GPR107: variants seen among roughly 807,000 people sequenced by gnomAD.
The protein encoded by GPR107 is G protein-coupled receptor 107.
In GPR107, 31 loss-of-function variants were observed where a neutral mutation model predicts 75.5. The observed-to-expected ratio is 0.41, with a 90% CI of 0.31 to 0.55. The LOEUF is 0.55. GPR107 is among the 20% of genes least tolerant of loss of function. The pLI is 0.26. For synonymous variants in GPR107, 267 were observed against 251.3 expected, an observed-to-expected ratio of 1.06 and a Z score of -0.59; for missense variants, 572 against 665.7, an observed-to-expected ratio of 0.86 and a Z score of 1.55.
intron 14 of GPR107, among the ~76,000 whole-genome samples, chr9:130,119,381 A>G (rs577218102): frequency 5.8e-4 from 89 of 152,284 alleles, no homozygotes; most frequent in African/African-American, 2.1e-3. Context: ...GTATTGGGCT[A>G]ATCCTATATG....
intron 14 of GPR107, among the ~76,000 whole-genome samples, chr9:130,121,975 C>T (rs1328328465): frequency 6.6e-6 from 1 of 152,032 alleles, no homozygotes; most frequent in Non-Finnish European, 1.5e-5. Context: ...ACTGCAAGCT[C>T]TGCCTCCTGG....
chr9:130,117,166 C>G (rs1454805412), intron 14 of GPR107, among the ~76,000 whole-genome samples: 1 of 152,090 alleles, frequency 6.6e-6, no homozygotes, highest in Non-Finnish European at 1.5e-5. Context: ...AGGCTGGTCT[C>G]AAATTCCTGA....
chr9:130,088,000 C>G (rs1477823560), intron 7 of GPR107, among the ~76,000 whole-genome samples: 4 of 152,044 alleles, frequency 2.6e-5, no homozygotes, highest in Non-Finnish European at 5.9e-5. Flanking sequence ...ATCATTTTGC[C>G]TGTTCAACAA....
At chr9:130,119,006 C>G (rs1340428305) in intron 14 of GPR107, among the ~76,000 whole-genome samples, 10 of 152,222 alleles carry the variant, frequency 6.6e-5, no homozygotes, top group Non-Finnish European at 2.9e-5. Flanking sequence ...TCAGAAATAG[C>G]CCGCCCAGCC....
intron 9 of GPR107, among the ~76,000 whole-genome samples, chr9:130,098,199 T>C (rs1830927331): frequency 6.6e-6 from 1 of 152,108 alleles, no homozygotes; most frequent in Non-Finnish European, 1.5e-5. Context: ...AGTCTTAATA[T>C]GTTCTATTAG....
chr9:130,057,942 C>T (rs1829834296), intron 1 of GPR107, among the ~76,000 whole-genome samples: 3 of 151,916 alleles, frequency 2.0e-5, no homozygotes, highest in Non-Finnish European at 4.4e-5. Context: ...CGATCTCCTG[C>T]CTCAACCTCC....
chr9:130,090,737 CTT>C (rs1424429081), intron 7 of GPR107, 137 bp from the exon 8 acceptor site: 1 of 458,106 alleles, frequency 2.2e-6, no homozygotes, highest in South Asian at 3.4e-5. Flanking sequence ...ATATTCATAA[CTT>C]ATTTCTAAGG....
chr9:130,081,396 G>A lies in GPR107; in HGVS notation c.526+1627G>A, dbSNP rs146362810. Among the ~76,000 whole-genome samples, 1,066 of 151,666 alleles carry A rather than the reference G, an allele frequency of 7.0e-3. 7 individuals carry two copies. Among genetic ancestry groups the A allele is most frequent in the Middle Eastern group, 0.037 (11 of 294 alleles). ...CTACTAAAAATACAAAAATTAGGCC[G>A]GGTGTGGTGGCTCACGCCTGTAATC... On this transcript the variant is annotated intron_variant, in intron 5 of 17. Transcript: ENST00000347136.
rs71501106 is a variant in GPR107, at chr9:130,112,743, T to C, written c.1306+5204T>C. Among the ~76,000 whole-genome samples the C allele has an allele frequency of 6.6e-6, 1 of 152,028 alleles. No individual in the cohort carries two copies. Among genetic ancestry groups the C allele is most frequent in the Non-Finnish European group, 1.5e-5 (1 of 68,012 alleles). On this transcript the variant is annotated intron_variant, in intron 14 of 17. Coordinates refer to ENST00000347136, the MANE Select transcript of GPR107 (RefSeq NM_020960.5). This position sits in a 1 kb window ranked among gnomAD's most constrained non-coding sequence, Gnocchi z 4.0. ...TAGCTGCTTTTATTTTATTTTTTTGTTGTTTTTTATTTATTTATTTTTTTG... is the reference window on the plus strand; with the variant it reads ...TAGCTGCTTTTATTTTATTTTTTTGCTGTTTTTTATTTATTTATTTTTTTG...
intron 17 of GPR107, among the ~76,000 whole-genome samples, chr9:130,131,473 A>G (rs1554899069): frequency 6.6e-6 from 1 of 151,436 alleles, no homozygotes; most frequent in Non-Finnish European, 1.5e-5. Context: ...GCCTGTGACA[A>G]CCTCCTGCGC....
chr9:130,053,987 G>C lies in GPR107; in HGVS notation c.55G>C (p.Ala19Pro), dbSNP rs555154714. ...SPASRGPRLA[A>P]GLRLLPMLGL... ...CGCCTCCCGCGGTCCTAGGCTGGCC[G>C]CGGGCCTCCGGCTGCTCCCAATGCT... The change falls in exon 1 of 18, where the codon GCG becomes CCG. Residue 19 changes from alanine to proline, a missense_variant. Ala to Pro is a conservative substitution (Grantham distance 27). Coordinates refer to ENST00000347136, the MANE Select transcript of GPR107 (RefSeq NM_020960.5). 1 of 1,552,884 alleles carries C rather than the reference G, an allele frequency of 6.4e-7. No homozygotes were observed. The highest frequency in any genetic ancestry group is 1.2e-5 in the South Asian group (1 of 84,352).
At position 130,124,032 on chromosome 9, in the gene GPR107, T is replaced by C. The variant is rs554184577; in HGVS notation, c.1307-883T>C. 3.3e-5 allele frequency among the ~76,000 whole-genome samples: 5 copies of C among 152,314 alleles called. No homozygotes were observed. In the South Asian group the frequency reaches 8.3e-4, roughly 25 times the overall value. On this transcript the variant is annotated intron_variant, in intron 14 of 17. Transcript: ENST00000347136. ...GTAGATTCTGTTAGTGATGTTCATC[T>C]TGAAGATAATTTAGGATTACAGGAA...
In GPR107 at chr9:130,080,713, G is replaced by A. The variant is rs185124231; in HGVS notation, c.526+944G>A. ...TCACGGTGTTAGCTAGGATGGTCTC[G>A]ATCTCCCGACCTCGTGATCCGCCCG... On this transcript the variant is annotated intron_variant, in intron 5 of 17. Transcript: ENST00000347136. Among the ~76,000 whole-genome samples the A allele has an allele frequency of 8.3e-3, 1,246 of 150,918 alleles. 14 individuals are homozygous for A. The highest frequency in any genetic ancestry group is 0.029 in the African/African-American group (1,188 of 41,366).
chr9:130,102,597 G>A (rs1831062095), intron 12 of GPR107, among the ~76,000 whole-genome samples: 2 of 152,180 alleles, frequency 1.3e-5, no homozygotes, highest in African/African-American at 4.8e-5. Flanking sequence ...AGTTAAAACT[G>A]CTTCCTTTTG....
chr9:130,131,404 A>G (rs576893816), intron 17 of GPR107, among the ~76,000 whole-genome samples: 18 of 152,018 alleles, frequency 1.2e-4, no homozygotes, highest in Admixed American at 6.6e-4. Context: ...CCTCTCCTTG[A>G]GTTCACTTCT....
chr9:130,118,696 G>A (rs1444508148), intron 14 of GPR107, among the ~76,000 whole-genome samples: 2 of 151,694 alleles, frequency 1.3e-5, no homozygotes, highest in South Asian at 4.2e-4. Context: ...AGAGGTTTCA[G>A]CATCTTCATA....
intron 2 of GPR107, 61 bp from the exon 3 acceptor site, chr9:130,076,351 A>T: frequency 9.6e-7 from 1 of 1,036,510 alleles, no homozygotes; most frequent in South Asian, 1.3e-5. Context: ...CTGCTTTTTG[A>T]GTAAGAAAAG....
chr9:130,116,194 C>G lies in GPR107; in HGVS notation c.1306+8655C>G, dbSNP rs139579767. Among the ~76,000 whole-genome samples the G allele has an allele frequency of 2.0e-5, 3 of 152,284 alleles. No individual in the cohort carries two copies. The East Asian group carries it at 5.8e-4, about 29-fold the overall frequency. On this transcript the variant is annotated intron_variant, in intron 14 of 17. Coordinates refer to ENST00000347136, the MANE Select transcript of GPR107 (RefSeq NM_020960.5). ...TTTAGGCCTTTAAAGTGTTGGGAAT[C>G]TAGAACTTCAGGGGGCCCACAGCCA...
intron 17 of GPR107, among the ~76,000 whole-genome samples, chr9:130,131,492 A>ACCCTTACT (rs1831826708): frequency 6.6e-6 from 1 of 151,458 alleles, no homozygotes; most frequent in Admixed American, 6.6e-5. Flanking sequence ...GCTACCACAC[A>ACCCTTACT]CCCTTACTCC....
Sources: gnomAD v4.1 joint callset for allele counts (sites outside exome capture counted in the v4.1 genomes callset) on GRCh38, gnomAD v4.1.1 for gene constraint, Gnocchi (gnomAD v3.1) non-coding constraint, MANE v1.5 for transcripts, NCBI Gene and HGNC (gene_info 2026-07-23, HGNC 2026-07-21) for gene names.